Variants in BPIFB1 observed in about 807,000 individuals in gnomAD.
The protein encoded by BPIFB1 is BPI fold containing family B member 1.
A neutral mutation model predicts 55.1 loss-of-function variants in BPIFB1; 34 were observed. The ratio of observed to expected loss-of-function variants is 0.62; its 90% CI spans 0.47 to 0.82. The LOEUF (loss-of-function observed/expected upper bound fraction) is 0.82. Ranked by LOEUF, BPIFB1 falls within the 40% of genes least tolerant of loss-of-function variation. The probability of loss-of-function intolerance (pLI) is 0.00; values close to 1 mark genes in which losing one functional copy is unlikely to be tolerated. For missense variants in BPIFB1, 532 were observed against 593.1 expected (o/e 0.90, Z 1.07); for synonymous variants, 236 against 245.3 (o/e 0.96, Z 0.35).
At chr20:33,305,895 C>T (rs1981008746) in intron 13 of BPIFB1, 107 bp from the exon 14 acceptor site, 5 of 1,254,434 alleles carry the variant, frequency 4.0e-6, no homozygotes, top group East Asian at 2.3e-5. Flanking sequence ...ATTCCTACAT[C>T]TCCACCAGCC....
At chr20:33,292,968 C>T (rs933818029) in intron 6 of BPIFB1, among the ~76,000 whole-genome samples, 8 of 152,254 alleles carry the variant, frequency 5.3e-5, no homozygotes, top group Admixed American at 3.3e-4. Context: ...GTCGCCTAGG[C>T]GGGAGTGCAG....
Position 33,289,915 on chromosome 20 carries a change from G to A in BPIFB1, c.288G>A (p.Gln96=), listed in dbSNP as rs1263417806. The A allele has an allele frequency of 6.2e-7, 1 of 1,614,190 alleles. No individual in the cohort carries two copies. The highest frequency in any genetic ancestry group is 1.7e-5 in the Admixed American group (1 of 60,028). The change falls in exon 4 of 16, where the codon CAG becomes CAA. Residue 96 remains glutamine, a synonymous_variant. Coordinates refer to ENST00000253354, the MANE Select transcript of BPIFB1 (RefSeq NM_033197.3). ...AGGTCATCACAGCTAACATCCTCCA[G>A]CTGCAGGTGAAGCCCTCGGCCAATG... ...WLKVITANIL[Q]LQVKPSANDQ...
intron 2 of BPIFB1, among the ~76,000 whole-genome samples, chr20:33,286,807 A>G (rs1484573233): frequency 6.6e-6 from 1 of 152,252 alleles, no homozygotes; most frequent in East Asian, 1.9e-4. Flanking sequence ...TAGGATGTTT[A>G]ACAGCATCCC....
chr20:33,306,780 G>T, intron 14 of BPIFB1, 131 bp from the exon 15 acceptor site: 1 of 757,282 alleles, frequency 1.3e-6, no homozygotes, highest in Non-Finnish European at 2.4e-6. Context: ...GAGAACAGGC[G>T]AGCAGAGGCA....
Position 33,309,447 on chromosome 20 carries a change from C to T in BPIFB1, c.1396-261C>T, listed in dbSNP as rs552705776. Among the ~76,000 whole-genome samples the T allele has an allele frequency of 6.6e-6, 1 of 152,094 alleles. No individual in the cohort carries two copies. Among genetic ancestry groups the T allele is most frequent in the African/African-American group, 2.4e-5 (1 of 41,420 alleles). ...TCCCACTTCTGCCACCTACTGAGTGCGTGACTTTGGAAAGGGGCTTTTGCC... is the reference window on the plus strand; with the variant it reads ...TCCCACTTCTGCCACCTACTGAGTGTGTGACTTTGGAAAGGGGCTTTTGCC... On this transcript the variant is annotated intron_variant, in intron 15 of 15. Coordinates refer to ENST00000253354, the MANE Select transcript of BPIFB1 (RefSeq NM_033197.3). This position sits in a 1 kb window ranked among gnomAD's most constrained non-coding sequence, Gnocchi z 4.4.
Position 33,290,685 on chromosome 20 carries a change from T to A in BPIFB1, c.366-272T>A, listed in dbSNP as rs557446470. ...GTCTGGGGAAGAGCCAGTCCAGTGT[T>A]GCATGCGCTAAACTTGAGAAGCCCG... On this transcript the variant is annotated intron_variant, in intron 4 of 15. Transcript: ENST00000253354. Among the ~76,000 whole-genome samples, 26 of 152,260 alleles carry A rather than the reference T, an allele frequency of 1.7e-4. No individual in the cohort carries two copies. The South Asian group carries it at 4.8e-3, about 28-fold the overall frequency.
At position 33,306,928 on chromosome 20, in the gene BPIFB1, G is replaced by T; in HGVS notation, c.1336G>T (p.Val446Phe). 6.2e-7 allele frequency: 1 copy of T among 1,614,050 alleles called. No homozygotes were observed. Among genetic ancestry groups the T allele is most frequent in the East Asian group, 2.2e-5 (1 of 44,882 alleles). ...TATTTCAGGCAAATTAAGATCTGGG[G>T]TCCCAGTGTCATTGGTGAAGGCCTT... ...PNQNGKLRSG[V>F]PVSLVKALGF... The change falls in exon 15 of 16, where the codon GTC becomes TTC. Residue 446 changes from valine (V) to phenylalanine (F), a missense_variant. Physicochemically the swap from Val to Phe is conservative, Grantham distance 50. Coordinates refer to ENST00000253354, the MANE Select transcript of BPIFB1 (RefSeq NM_033197.3).
chr20:33,303,029 G>A lies in BPIFB1; in HGVS notation c.1095G>A (p.Val365=), dbSNP rs763795744. The A allele has an allele frequency of 1.1e-5, 18 of 1,614,054 alleles. No individual in the cohort carries two copies. The highest frequency in any genetic ancestry group is 1.4e-5 in the Non-Finnish European group (17 of 1,180,032). ...AKVAQLIVLE[V]FPSSEALRPL... ...TGGCCCAACTGATCGTGCTGGAAGT[G>A]TTTCCCTCCAGTGAAGCCCTCCGCC... The change falls in exon 11 of 16, where the codon GTG becomes GTA. Residue 365 remains valine (V), a synonymous_variant. Transcript: ENST00000253354.
At chr20:33,300,556 A>G (rs1448337127) in intron 8 of BPIFB1, among the ~76,000 whole-genome samples, 1 of 152,170 alleles carries the variant, frequency 6.6e-6, no homozygotes. Context: ...GGGCCAGACC[A>G]TCCTGGTAGC....
chr20:33,295,662 G>GAGAAAGAAAGAAAGAAAGAAAGAA (rs748483377), intron 6 of BPIFB1, among the ~76,000 whole-genome samples: 16 of 136,176 alleles, frequency 1.2e-4, no homozygotes, highest in African/African-American at 5.0e-4. Flanking sequence ...GAAAGAAAGA[G>GAGAAAGAAAGAAAGAAAGAAAGAA]AGAAAGAAAG....
intron 6 of BPIFB1, among the ~76,000 whole-genome samples, chr20:33,293,465 C>T (rs7270498): frequency 0.017 from 2,571 of 152,168 alleles, 84 homozygotes; most frequent in African/African-American, 0.058. Flanking sequence ...TAATAATTTA[C>T]GAAAACATTC....
chr20:33,292,755 T>C (rs1349725266), intron 6 of BPIFB1, among the ~76,000 whole-genome samples: 1 of 152,232 alleles, frequency 6.6e-6, no homozygotes, highest in African/African-American at 2.4e-5. Flanking sequence ...CCCCTATTTG[T>C]CACAGGTATA....
chr20:33,285,078 G>C (rs998717637), intron 1 of BPIFB1, among the ~76,000 whole-genome samples: 1 of 152,164 alleles, frequency 6.6e-6, no homozygotes, highest in Non-Finnish European at 1.5e-5. Context: ...GTGTGGTCCA[G>C]GTTCCCTGTC....
intron 9 of BPIFB1, 39 bp from the exon 10 acceptor site, chr20:33,302,320 G>A: frequency 6.2e-7 from 1 of 1,607,714 alleles, no homozygotes; most frequent in Non-Finnish European, 8.5e-7. Context: ...GCCTCCCTGT[G>A]CCCTCCAACT....
At chr20:33,305,410 C>T (rs1412766960) in intron 13 of BPIFB1, among the ~76,000 whole-genome samples, 1 of 151,050 alleles carries the variant, frequency 6.6e-6, no homozygotes, top group South Asian at 2.1e-4. Context: ...CTCCATCTCC[C>T]GGGTTCAAGC....
Position 33,302,954 on chromosome 20 carries a change from C to A in BPIFB1, c.1020C>A (p.Ile340=). Reference sequence around the variant, plus strand: ...TGGGATCTACCCAGATCGTGAAGATCCTAACTCAGGACACTCCCGAGTTTT... The same window carrying A: ...TGGGATCTACCCAGATCGTGAAGATACTAACTCAGGACACTCCCGAGTTTT... ...DKLGSTQIVK[I]LTQDTPEFFI... Residue 340 remains isoleucine, a synonymous_variant, in exon 11 of 16, where the codon ATC becomes ATA. Transcript: ENST00000253354. The A allele has an allele frequency of 6.2e-7, 1 of 1,614,170 alleles. No homozygotes were observed. Among genetic ancestry groups the A allele is most frequent in the Non-Finnish European group, 8.5e-7 (1 of 1,180,030 alleles).
chr20:33,301,203 C>T, intron 8 of BPIFB1, 30 bp from the exon 9 acceptor site: 4 of 1,598,656 alleles, frequency 2.5e-6, no homozygotes, highest in Non-Finnish European at 3.4e-6. Flanking sequence ...AGTTAAAATT[C>T]TTAGCTGACT....
intron 6 of BPIFB1, among the ~76,000 whole-genome samples, chr20:33,295,865 G>T: frequency 7.3e-6 from 1 of 136,354 alleles, no homozygotes; most frequent in East Asian, 2.2e-4. Flanking sequence ...AAAGAAGGAA[G>T]GAAGGGGATT....
chr20:33,289,347 C>T (rs1157917877), intron 3 of BPIFB1, among the ~76,000 whole-genome samples: 1 of 148,110 alleles, frequency 6.8e-6, no homozygotes, highest in Non-Finnish European at 1.5e-5. Context: ...TGCCATTGCA[C>T]TCCAGCCTGG....
Sources: gnomAD v4.1 joint callset for allele counts (sites outside exome capture counted in the v4.1 genomes callset) on GRCh38, gnomAD v4.1.1 for gene constraint, Gnocchi (gnomAD v3.1) non-coding constraint, MANE v1.5 for transcripts, NCBI Gene and HGNC (gene_info 2026-07-23, HGNC 2026-07-21) for gene names.